Variants in MAGEC3 observed in about 807,000 individuals in gnomAD.
MAGEC3 encodes melanoma-associated antigen C3.
MAGEC3 carries 34 observed loss-of-function variants against 35.3 expected under a neutral mutation model. The observed-to-expected ratio is 0.96, with a 90% confidence interval of 0.73 to 1.28. The LOEUF (loss-of-function observed/expected upper bound fraction) is 1.28, where lower values mean the gene tolerates loss of function less well. MAGEC3 is among the 50% of genes most tolerant of loss of function. The pLI is 0.00. For synonymous variants in MAGEC3, 202 were observed against 185.6 expected, an observed-to-expected ratio of 1.09 and a Z score of -0.72; for missense variants, 561 against 483.6, an observed-to-expected ratio of 1.16 and a Z score of -1.50.
intron 4 of MAGEC3, among the ~76,000 whole-genome samples, chrX:141,889,439 C>T (rs759439421): frequency 7.2e-5 from 8 of 111,378 alleles, no homozygotes; most frequent in Admixed American, 1.9e-4. Flanking sequence ...GAAACGCTGC[C>T]GCCAGGAGAC....
At chrX:141,841,879 G>T (rs188919501) in intron 1 of MAGEC3, among the ~76,000 whole-genome samples, 181 of 111,918 alleles carry the variant, frequency 1.6e-3, no homozygotes, top group African/African-American at 5.5e-3. Flanking sequence ...TGAAGGACTC[G>T]CAGAACACTC....
intron 2 of MAGEC3, among the ~76,000 whole-genome samples, chrX:141,878,044 T>C (rs780772663): frequency 6.0e-4 from 67 of 112,482 alleles, no homozygotes; most frequent in Non-Finnish European, 1.1e-3. Context: ...CCATTACATT[T>C]AGTTATCATG....
At chrX:141,880,842 G>T (rs72617978) in intron 3 of MAGEC3, 52,381 of 1,121,944 alleles carry the variant, frequency 0.047, 3,782 homozygotes, top group East Asian at 0.38. Context: ...GCTGTAAGCC[G>T]GCCTTTGTCA....
intron 2 of MAGEC3, among the ~76,000 whole-genome samples, chrX:141,867,973 A>G (rs775573711): frequency 4.9e-4 from 54 of 110,848 alleles, no homozygotes; most frequent in South Asian, 3.9e-4. Flanking sequence ...ATACAAAAAA[A>G]TTAGCCAGGA....
intron 4 of MAGEC3, among the ~76,000 whole-genome samples, chrX:141,893,723 G>GC (rs2018061636): frequency 1.9e-5 from 2 of 104,572 alleles, no homozygotes; most frequent in African/African-American, 7.0e-5. Context: ...TTGGGGGGGG[G>GC]GGCGTAGATA....
At chrX:141,844,312 G>A (rs373238459) in intron 1 of MAGEC3, among the ~76,000 whole-genome samples, 2 of 110,816 alleles carry the variant, frequency 1.8e-5, no homozygotes, top group African/African-American at 3.3e-5. Context: ...TAAATTTGGC[G>A]TATGAGTTTA....
chrX:141,879,612 A>G (rs2017947147), intron 3 of MAGEC3, among the ~76,000 whole-genome samples, 181 bp downstream of exon 3: 1 of 109,864 alleles, frequency 9.1e-6, no homozygotes, highest in African/African-American at 3.3e-5. Flanking sequence ...AAGTGTGGGA[A>G]AGAGGTAGAG....
chrX:141,885,140 C>T lies in MAGEC3; in HGVS notation c.909+3344C>T, dbSNP rs905187851. On this transcript the variant is annotated intron_variant, in intron 4 of 7. Transcript: ENST00000298296. The stretch of plus-strand genomic sequence containing the variant: ...ATAACTAGACTAAAGTCCTGGCGGG[C>T]GCCTAGAGGTGAAGTTCAGAGTATG... Among the ~76,000 whole-genome samples the T allele has an allele frequency of 8.1e-5, 9 of 111,584 alleles. 1 individual carries two copies. The highest frequency in any genetic ancestry group is 1.6e-4 in the African/African-American group (5 of 30,706).
chrX:141,841,357 G>A (rs762294513), intron 1 of MAGEC3, among the ~76,000 whole-genome samples: 7 of 111,848 alleles, frequency 6.3e-5, no homozygotes, highest in African/African-American at 2.3e-4. Flanking sequence ...ACATATTGCC[G>A]TATTTTACAT....
At position 141,875,602 on chromosome X, in the gene MAGEC3, C is replaced by A. The variant is rs186698330; in HGVS notation, c.259-3573C>A. The stretch of plus-strand genomic sequence containing the variant: ...ACTCCTTTAAAAGGTCCCTGACACT[C>A]CCCATTGATTGAATCCCAAGAACGT... On this transcript the variant is annotated intron_variant, in intron 2 of 7. Transcript: ENST00000298296. Among the ~76,000 whole-genome samples the A allele has an allele frequency of 3.0e-4, 34 of 111,827 alleles. 1 individual carries two copies. The highest frequency in any genetic ancestry group is 2.5e-3 in the Admixed American group (26 of 10,542).
intron 1 of MAGEC3, chrX:141,838,721 G>A (rs968337482): frequency 2.4e-5 from 18 of 751,842 alleles, no homozygotes; most frequent in Non-Finnish European, 2.8e-5. Flanking sequence ...CATCGGGGGT[G>A]AGGCTCTGCA....
chrX:141,870,198 C>G (rs1390447634), intron 2 of MAGEC3, among the ~76,000 whole-genome samples: 3 of 111,546 alleles, frequency 2.7e-5, no homozygotes, highest in Non-Finnish European at 5.7e-5. Context: ...ATTTATTAGC[C>G]TTTTTATTAC....
At chrX:141,865,751 A>G (rs1339623405) in intron 2 of MAGEC3, 146 bp downstream of exon 2, 2 of 583,757 alleles carry the variant, frequency 3.4e-6, no homozygotes, top group Admixed American at 7.8e-5. Context: ...TTGGGGCCTG[A>G]GGGAGGTGAG....
At chrX:141,862,369 T>C (rs1478563250) in intron 1 of MAGEC3, among the ~76,000 whole-genome samples, 1 of 112,020 alleles carries the variant, frequency 8.9e-6, no homozygotes, top group African/African-American at 3.2e-5. Flanking sequence ...TGGAAAACAG[T>C]ATTGCTATTT....
In MAGEC3 at chrX:141,881,650, A is replaced by T. The variant is rs1409069599; in HGVS notation, c.763A>T (p.Thr255Ser). ...CGACCATTTCTATGTCTTTGTAAAC[A>T]CATTAGACCTCACCTGTGAGGGGAG... is the stretch of plus-strand genomic sequence containing the variant. ...DPDHFYVFVN[T>S]LDLTCEGSLS... The change falls in exon 4 of 8, where the codon ACA becomes TCA. Residue 255 changes from threonine (T) to serine (S), a missense_variant. Transcript: ENST00000298296. The T allele has an allele frequency of 1.7e-6, 2 of 1,209,617 alleles. No homozygotes were observed. The highest frequency in any genetic ancestry group is 3.5e-5 in the South Asian group (2 of 56,744).
intron 1 of MAGEC3, among the ~76,000 whole-genome samples, chrX:141,857,823 A>G (rs12689545): frequency 0.48 from 52,712 of 109,896 alleles, 9,411 homozygotes; most frequent in Non-Finnish European, 0.56. Context: ...TCTGGTAACT[A>G]TCTGGCTCAT....
chrX:141,855,194 G>A (rs1216675738), intron 1 of MAGEC3, among the ~76,000 whole-genome samples: 1 of 110,724 alleles, frequency 9.0e-6, no homozygotes, highest in East Asian at 2.9e-4. Flanking sequence ...GCCGGACAAG[G>A]TTATAGGTCT....
In MAGEC3 at chrX:141,895,457, AGCCCCGGTC is replaced by A; in HGVS notation, c.1049-27_1049-19del. ...GGGACTTCGCACCAAGGACAGAAGA[AGCCCCGGTC>A]TGCCCTGCGCTGCCATAGGACTTGC... On this transcript the variant is annotated intron_variant, in intron 5 of 7. Transcript: ENST00000298296. The A allele has an allele frequency of 8.3e-7, 1 of 1,210,876 alleles. No individual in the cohort carries two copies. Among genetic ancestry groups the A allele is most frequent in the Non-Finnish European group, 1.1e-6 (1 of 895,122 alleles).
At chrX:141,885,663 CAAAAA>C (rs35973319) in intron 4 of MAGEC3, among the ~76,000 whole-genome samples, 1 of 40,990 alleles carries the variant, frequency 2.4e-5, no homozygotes, top group Non-Finnish European at 3.7e-5. Context: ...GACTTCGTCT[CAAAAA>C]AAAAAAAAAA....
Sources: gnomAD v4.1 joint callset for allele counts (sites outside exome capture counted in the v4.1 genomes callset) on GRCh38, gnomAD v4.1.1 for gene constraint, MANE v1.5 for transcripts, NCBI Gene and HGNC (gene_info 2026-07-23, HGNC 2026-07-21) for gene names.